FRMD3: variants seen among roughly 807,000 people sequenced by gnomAD.
FRMD3 encodes the protein FERM domain-containing protein 3.
In FRMD3, 33 loss-of-function variants were observed where a neutral mutation model predicts 70.2. That is an observed-to-expected ratio of 0.47 (90% CI 0.36 to 0.63). The LOEUF (loss-of-function observed/expected upper bound fraction) is 0.63, where lower values mean the gene tolerates loss of function less well. Ranked by LOEUF, FRMD3 falls within the 20% of genes least tolerant of loss-of-function variation. The probability of loss-of-function intolerance (pLI) is 0.00; values close to 1 mark genes in which losing one functional copy is unlikely to be tolerated. For missense variants in FRMD3, 632 were observed against 711.4 expected (o/e 0.89, Z 1.27); for synonymous variants, 279 against 255.9 (o/e 1.09, Z -0.86).
intron 13 of FRMD3, chr9:83,267,005 C>T: frequency 1.9e-6 from 3 of 1,550,664 alleles, no homozygotes; most frequent in Non-Finnish European, 2.6e-6. Context: ...CAGGGCACCA[C>T]ACATACCAGT....
At chr9:83,568,937 T>TTATCA in the FRMD3 span, among the ~76,000 whole-genome samples, 2 of 119,006 alleles carry the variant, frequency 1.7e-5, no homozygotes, top group Non-Finnish European at 3.7e-5. Context: ...GATAGATAGA[T>TTATCA]AGATAGATAG....
Position 83,342,704 on chromosome 9 carries a change from A to C in FRMD3, c.472+486T>G, listed in dbSNP as rs576827601. Among the ~76,000 whole-genome samples the C allele has an allele frequency of 4.2e-3, 583 of 138,702 alleles. 5 individuals are homozygous for C. Among genetic ancestry groups the C allele is most frequent in the Middle Eastern group, 0.025 (7 of 278 alleles). The allele number at this position is 138,702 out of a possible 152,430, so 91.0% of individuals were successfully genotyped here. A position where few individuals can be genotyped will look rare whatever the true frequency, so the allele number is the denominator to read the frequency against. ...ATGGATGGATAGATTAGATAGATAGATAGATAGATAGATAGATAGATAGAT... is the reference window on the plus strand; with the variant it reads ...ATGGATGGATAGATTAGATAGATAGCTAGATAGATAGATAGATAGATAGAT... On this transcript the variant is annotated intron_variant, in intron 5 of 13. Coordinates refer to ENST00000304195, the MANE Select transcript of FRMD3 (RefSeq NM_174938.6).
intron 1 of FRMD3, among the ~76,000 whole-genome samples, chr9:83,442,228 C>A (rs1450470574): frequency 6.6e-6 from 1 of 151,180 alleles, no homozygotes; most frequent in Non-Finnish European, 1.5e-5. Context: ...CTTACAAAAA[C>A]CACATAAAGG....
At position 83,273,053 on chromosome 9, in the gene FRMD3, G is replaced by T. The variant is rs1341752345; in HGVS notation, c.1195+17550C>A. Among the ~76,000 whole-genome samples the T allele has an allele frequency of 6.3e-4, 57 of 89,938 alleles. 1 individual carries two copies. In the East Asian group the frequency reaches 0.021, roughly 33 times the overall value. 59.0% of individuals were successfully genotyped at this position (89,938 alleles called of 152,430 possible). On this transcript the variant is annotated intron_variant, in intron 13 of 13. Coordinates refer to ENST00000304195, the MANE Select transcript of FRMD3 (RefSeq NM_174938.6). ...GCCAGCTGCCCCGTCCGGGAGGTGG[G>T]GGGGGGCGCCTCTGCCCGGCCACCC...
chr9:83,270,426 G>T (rs1833495978), intron 13 of FRMD3, among the ~76,000 whole-genome samples: 1 of 152,184 alleles, frequency 6.6e-6, no homozygotes, highest in African/African-American at 2.4e-5. Context: ...CCTCTACTTT[G>T]TGAGTGGCTA....
intron 7 of FRMD3, among the ~76,000 whole-genome samples, chr9:83,313,247 A>G (rs1258843931): frequency 6.6e-6 from 1 of 152,216 alleles, no homozygotes; most frequent in East Asian, 1.9e-4. Context: ...AAAGGAAAAA[A>G]TAAAAACAAG....
intron 1 of FRMD3, among the ~76,000 whole-genome samples, chr9:83,488,682 A>G (rs1828740678): frequency 6.6e-6 from 1 of 152,168 alleles, no homozygotes. Context: ...TTACCCACTC[A>G]ATGGTGAGGT....
At chr9:83,347,273 A>T (rs1302224219) in intron 4 of FRMD3, among the ~76,000 whole-genome samples, 4 of 151,770 alleles carry the variant, frequency 2.6e-5, no homozygotes, top group African/African-American at 9.7e-5. Context: ...AGTCTTGTAA[A>T]TGGTTTCACA....
intron 1 of FRMD3, among the ~76,000 whole-genome samples, chr9:83,444,973 C>T (rs1827412251): frequency 2.0e-5 from 3 of 152,218 alleles, no homozygotes; most frequent in Admixed American, 1.3e-4. Flanking sequence ...GTAGTCTCAA[C>T]ATTTCATTTA....
intron 1 of FRMD3, among the ~76,000 whole-genome samples, chr9:83,494,564 T>A (rs1397455010): frequency 6.6e-6 from 1 of 152,196 alleles, no homozygotes; most frequent in African/African-American, 2.4e-5. Flanking sequence ...TAAAAATTAT[T>A]TTCTTTACAA....
chr9:83,451,864 A>C (rs966207449), intron 1 of FRMD3, among the ~76,000 whole-genome samples: 1 of 152,246 alleles, frequency 6.6e-6, no homozygotes, highest in Non-Finnish European at 1.5e-5. Context: ...TATTATAACT[A>C]ATAACTATTT....
intron 13 of FRMD3, among the ~76,000 whole-genome samples, chr9:83,269,850 C>T (rs948236730): frequency 1.3e-5 from 2 of 152,166 alleles, no homozygotes; most frequent in African/African-American, 2.4e-5. Flanking sequence ...TCACTCTTTA[C>T]GCTACTTTTC....
At chr9:83,284,469 A>G in intron 13 of FRMD3, among the ~76,000 whole-genome samples, 3 of 152,154 alleles carry the variant, frequency 2.0e-5, no homozygotes, top group Non-Finnish European at 4.4e-5. Context: ...TTAGCTGGGC[A>G]TGGTGGCGTG....
intron 1 of FRMD3, among the ~76,000 whole-genome samples, chr9:83,465,143 T>A (rs1020307582): frequency 2.0e-5 from 3 of 152,022 alleles, no homozygotes; most frequent in African/African-American, 7.2e-5. Flanking sequence ...TTTACACACA[T>A]CATCCATTCG....
chr9:83,310,598 A>C, intron 8 of FRMD3, 50 bp from the exon 9 acceptor site: 2 of 1,440,660 alleles, frequency 1.4e-6, no homozygotes, highest in Non-Finnish European at 1.9e-6. Context: ...GCAGCTAACC[A>C]AGGTACCTGG....
At chr9:83,377,245 A>G (rs963208016) in intron 2 of FRMD3, among the ~76,000 whole-genome samples, 2 of 152,238 alleles carry the variant, frequency 1.3e-5, no homozygotes, top group African/African-American at 2.4e-5. Flanking sequence ...TTCAAAAAAT[A>G]TATATGTAAG....
chr9:83,275,346 T>G (rs565468597), intron 13 of FRMD3, among the ~76,000 whole-genome samples: 1 of 152,298 alleles, frequency 6.6e-6, no homozygotes, highest in East Asian at 1.9e-4. Context: ...ATCAATGAGC[T>G]TCTCCTTCCA....
At position 83,356,271 on chromosome 9, in the gene FRMD3, ATTTTTTTTTTTTTTT is replaced by A. The variant is rs869149609; in HGVS notation, c.296-6529_296-6515del. Among the ~76,000 whole-genome samples, 4 of 94,464 alleles carry A rather than the reference ATTTTTTTTTTTTTTT, an allele frequency of 4.2e-5. 1 individual carries two copies. In the Admixed American group the frequency reaches 4.9e-4, roughly 12 times the overall value. 62.0% of individuals were successfully genotyped at this position (94,464 alleles called of 152,430 possible). ...TGAGAGAGAAGCATCACTCAGCAGCATTTTTTTTTTTTTTTTTTTTTTTTGACAGAGTCTTGCTCT... is the reference window on the plus strand; with the variant it reads ...TGAGAGAGAAGCATCACTCAGCAGCATTTTTTTTTGACAGAGTCTTGCTCT... On this transcript the variant is annotated intron_variant, in intron 3 of 13. Coordinates refer to ENST00000304195, the MANE Select transcript of FRMD3 (RefSeq NM_174938.6).
intron 1 of FRMD3, among the ~76,000 whole-genome samples, chr9:83,398,043 A>T (rs1047656060): frequency 5.3e-5 from 8 of 152,196 alleles, no homozygotes; most frequent in Non-Finnish European, 7.3e-5. Flanking sequence ...TTTTATTGTC[A>T]AGGACAAGCA....
Sources: gnomAD v4.1 joint callset for allele counts (sites outside exome capture counted in the v4.1 genomes callset) on GRCh38, gnomAD v4.1.1 for gene constraint, MANE v1.5 for transcripts, NCBI Gene and HGNC (gene_info 2026-07-23, HGNC 2026-07-21) for gene names.